The following RTL4 variants were observed in gnomAD, a reference collection of about 807,000 sequenced individuals.
RTL4 encodes retrotransposon Gag like 4.
Under a neutral mutation model 5.3 loss-of-function variants are expected in RTL4, and 4 were observed. The observed-to-expected ratio is 0.75, with a 90% confidence interval of 0.37 to 1.72. RTL4 has a LOEUF of 1.72. Among genes scored for constraint, RTL4 ranks in the 40% most tolerant of loss-of-function variants. The pLI is 0.04. For synonymous variants in RTL4, 98 were observed against 87.3 expected (o/e 1.12, Z -0.68); for missense variants, 260 against 227.1 (o/e 1.14, Z -0.93).
chrX:112,263,671 G>A, the RTL4 span, among the ~76,000 whole-genome samples: 1 of 111,577 alleles, frequency 9.0e-6, no homozygotes, highest in Non-Finnish European at 1.9e-5. Context: ...ATACTTCTGA[G>A]GATCTAAAGT....
At chrX:112,262,277 T>A in the RTL4 span, among the ~76,000 whole-genome samples, 1 of 111,296 alleles carries the variant, frequency 9.0e-6, no homozygotes, top group Non-Finnish European at 1.9e-5. Context: ...TGGGAGAAAA[T>A]TTTTGCCATC....
the RTL4 span, among the ~76,000 whole-genome samples, chrX:112,223,544 A>G: frequency 8.9e-6 from 1 of 112,172 alleles, no homozygotes; most frequent in African/African-American, 3.2e-5. Flanking sequence ...CTTCCGTGTA[A>G]TCTAGGTCAC....
At chrX:112,244,043 G>T in the RTL4 span, among the ~76,000 whole-genome samples, 1 of 112,273 alleles carries the variant, frequency 8.9e-6, no homozygotes, top group African/African-American at 3.2e-5. Flanking sequence ...TAATTTGATT[G>T]CACTGTGGTC....
chrX:112,454,899 A>G (rs762550770), exon 1 of RTL4: 1 of 1,208,142 alleles, frequency 8.3e-7, no homozygotes, highest in Admixed American at 2.2e-5. Context: ...TACCATACTC[A>G]CTTGAGCATC....
chrX:112,204,334 G>A, the RTL4 span, among the ~76,000 whole-genome samples: 2 of 111,920 alleles, frequency 1.8e-5, no homozygotes, highest in African/African-American at 6.5e-5. Flanking sequence ...CCAAAAAAAA[G>A]GAAACCAGTG....
At chrX:112,249,798 G>A in the RTL4 span, among the ~76,000 whole-genome samples, 2 of 107,162 alleles carry the variant, frequency 1.9e-5, no homozygotes, top group African/African-American at 6.8e-5. Context: ...TATATAGAGA[G>A]AGAGAGAGAG....
At chrX:112,192,767 G>T in the RTL4 span, among the ~76,000 whole-genome samples, 1 of 110,470 alleles carries the variant, frequency 9.1e-6, no homozygotes, top group East Asian at 2.8e-4. Context: ...GTCTTATATA[G>T]AAAAAAAATG....
chrX:112,178,697 C>T, the RTL4 span, among the ~76,000 whole-genome samples: 2 of 111,576 alleles, frequency 1.8e-5, no homozygotes, highest in Non-Finnish European at 3.8e-5. Context: ...ATAGCACCTG[C>T]GAATTGCAAC....
chrX:112,235,072 AT>A, the RTL4 span, among the ~76,000 whole-genome samples: 327 of 111,167 alleles, frequency 2.9e-3, no homozygotes, highest in African/African-American at 9.8e-3. Context: ...TTAACCCCAA[AT>A]TGTTTCTGGC....
At chrX:112,112,992 C>G in the RTL4 span, among the ~76,000 whole-genome samples, 1 of 111,679 alleles carries the variant, frequency 9.0e-6, no homozygotes, top group Non-Finnish European at 1.9e-5. Flanking sequence ...ATTGATGAGT[C>G]TAAGATCTTG....
the RTL4 span, among the ~76,000 whole-genome samples, chrX:112,231,073 A>G: frequency 9.1e-6 from 1 of 110,396 alleles, no homozygotes; most frequent in African/African-American, 3.3e-5. Flanking sequence ...GTCAGGAAAC[A>G]ACAGGTGCTG....
At chrX:112,141,504 T>C in the RTL4 span, among the ~76,000 whole-genome samples, 3 of 112,280 alleles carry the variant, frequency 2.7e-5, no homozygotes, top group African/African-American at 9.7e-5. Context: ...TTAAGTATGA[T>C]GGTAGATGTC....
chrX:112,369,410 G>A, the RTL4 span, among the ~76,000 whole-genome samples: 15 of 111,258 alleles, frequency 1.3e-4, no homozygotes, highest in African/African-American at 4.9e-4. Flanking sequence ...TCAACCCCAG[G>A]CCATCTGTGG....
the RTL4 span, among the ~76,000 whole-genome samples, chrX:112,361,475 T>G: frequency 9.0e-6 from 1 of 111,409 alleles, no homozygotes; most frequent in Non-Finnish European, 1.9e-5. Flanking sequence ...TTCATCCTTT[T>G]TATTTCAAGA....
the RTL4 span, among the ~76,000 whole-genome samples, chrX:112,424,857 A>G: frequency 9.1e-6 from 1 of 110,470 alleles, no homozygotes; most frequent in Non-Finnish European, 1.9e-5. Flanking sequence ...CTCGCCTCCC[A>G]CAAACTCCCC....
chrX:112,393,170 T>TTG, the RTL4 span, among the ~76,000 whole-genome samples: 289 of 99,225 alleles, frequency 2.9e-3, 2 homozygotes, highest in African/African-American at 0.012. Context: ...TGTTTTTTTT[T>TTG]TTTGTTTGTT....
At chrX:112,360,631 A>T in the RTL4 span, among the ~76,000 whole-genome samples, 1 of 110,124 alleles carries the variant, frequency 9.1e-6, no homozygotes, top group Non-Finnish European at 1.9e-5. Context: ...TCATCATACT[A>T]TATCACTACA....
At chrX:112,204,089 G>A in the RTL4 span, among the ~76,000 whole-genome samples, 1 of 112,418 alleles carries the variant, frequency 8.9e-6, no homozygotes, top group African/African-American at 3.2e-5. Context: ...CAACATAATT[G>A]ATCATCAGAG....
chrX:112,372,596 G>A, the RTL4 span, among the ~76,000 whole-genome samples: 1 of 110,989 alleles, frequency 9.0e-6, no homozygotes, highest in Non-Finnish European at 1.9e-5. Context: ...AAGGATCCTG[G>A]GAAGCAACTG....
Sources: allele counts gnomAD v4.1 joint callset (sites outside exome capture counted in the v4.1 genomes callset), GRCh38; gene constraint gnomAD v4.1.1; transcripts MANE v1.5; gene names NCBI Gene and HGNC (gene_info 2026-07-23, HGNC 2026-07-21).